The following IGSF10 variants were observed in gnomAD, a reference collection of about 807,000 sequenced individuals.
IGSF10 encodes immunoglobulin superfamily member 10, also known as calvaria mechanical force protein 608.
Under a neutral mutation model 128.2 loss-of-function variants are expected in IGSF10, and 126 were observed. That is an observed-to-expected ratio of 0.98 (90% CI 0.85 to 1.14). The LOEUF is 1.14. Ranked by LOEUF, IGSF10 falls within the 50% of genes most tolerant of loss-of-function variation. The probability of loss-of-function intolerance (pLI) is 0.00; values close to 1 mark genes in which losing one functional copy is unlikely to be tolerated. For synonymous variants in IGSF10, 1,185 were observed against 1,146.2 expected (o/e 1.03, Z -0.68); for missense variants, 3,295 against 3,149.8 (o/e 1.05, Z -1.10).
chr3:151,469,103 G>A, the IGSF10 span, among the ~76,000 whole-genome samples: 23 of 152,236 alleles, frequency 1.5e-4, no homozygotes, highest in Non-Finnish European at 4.4e-5. Context: ...ATTTCATGGT[G>A]TATACTTACC....
At chr3:151,543,524 G>A in the IGSF10 span, among the ~76,000 whole-genome samples, 1 of 152,082 alleles carries the variant, frequency 6.6e-6, no homozygotes, top group Non-Finnish European at 1.5e-5. Context: ...GCCAAGCTGT[G>A]TCCTGCCTCC....
In IGSF10 at chr3:151,454,056, C is replaced by T. The variant is rs144771141; in HGVS notation, c.325-282G>A. On this transcript the variant is annotated intron_variant, in intron 4 of 7. Transcript: ENST00000282466. ...TTTTTGAGACAGCGTCTTGCTCTGT[C>T]GCCCAGGCTGGAGTGCAGTGTTGTG... 6.3e-3 allele frequency among the ~76,000 whole-genome samples: 933 copies of T among 147,210 alleles called. 10 individuals are homozygous for T. Among genetic ancestry groups the T allele is most frequent in the African/African-American group, 0.022 (865 of 39,874 alleles).
At chr3:151,504,164 GT>G in the IGSF10 span, among the ~76,000 whole-genome samples, 1 of 152,134 alleles carries the variant, frequency 6.6e-6, no homozygotes, top group African/African-American at 2.4e-5. Context: ...ATTACCACCT[GT>G]TTCAAAGTTA....
chr3:151,495,317 G>A, the IGSF10 span, among the ~76,000 whole-genome samples: 1 of 152,240 alleles, frequency 6.6e-6, no homozygotes, highest in East Asian at 1.9e-4. Flanking sequence ...ATACAACAGA[G>A]AAGGTCAGTT....
the IGSF10 span, among the ~76,000 whole-genome samples, chr3:151,525,066 C>A: frequency 8.9e-6 from 1 of 112,842 alleles, no homozygotes; most frequent in Non-Finnish European, 1.6e-5. Context: ...TGCTCTGTCA[C>A]CCCAGCTGAA....
chr3:151,544,168 C>T, the IGSF10 span, among the ~76,000 whole-genome samples: 1 of 152,344 alleles, frequency 6.6e-6, no homozygotes, highest in East Asian at 1.9e-4. Flanking sequence ...CTCAGCCTCC[C>T]AAAGTGCTGG....
upstream of IGSF10, among the ~76,000 whole-genome samples, chr3:151,462,146 T>C (rs539319815): frequency 1.3e-5 from 2 of 152,280 alleles, no homozygotes; most frequent in South Asian, 4.2e-4. Flanking sequence ...CCAATACTCA[T>C]AAACACTGAG....
chr3:151,600,909 G>C, the IGSF10 span, among the ~76,000 whole-genome samples: 1 of 151,550 alleles, frequency 6.6e-6, no homozygotes, highest in South Asian at 2.1e-4. Flanking sequence ...TCTTTGAATT[G>C]TCTGTTCATG....
the IGSF10 span, among the ~76,000 whole-genome samples, chr3:151,559,886 C>T: frequency 2.6e-5 from 4 of 152,080 alleles, no homozygotes; most frequent in African/African-American, 9.7e-5. Context: ...TGAAGACAGC[C>T]TGGTATCTGT....
chr3:151,568,504 TATA>T, the IGSF10 span, among the ~76,000 whole-genome samples: 1 of 152,230 alleles, frequency 6.6e-6, no homozygotes, highest in South Asian at 2.1e-4. Context: ...CGATTTGATT[TATA>T]ATATCTCCCT....
At chr3:151,598,497 A>G in the IGSF10 span, among the ~76,000 whole-genome samples, 5 of 152,326 alleles carry the variant, frequency 3.3e-5, no homozygotes, top group Admixed American at 1.3e-4. Flanking sequence ...CTCTGAGGAT[A>G]CCAAAATCCA....
the IGSF10 span, among the ~76,000 whole-genome samples, chr3:151,579,998 T>C: frequency 6.6e-6 from 1 of 151,946 alleles, no homozygotes. Context: ...TAAAAAGACA[T>C]ACACATGGAG....
At chr3:151,535,015 G>T in the IGSF10 span, among the ~76,000 whole-genome samples, 1 of 151,232 alleles carries the variant, frequency 6.6e-6, no homozygotes, top group Non-Finnish European at 1.5e-5. Context: ...TGTGATCTTT[G>T]GCAATTAAAA....
At chr3:151,597,960 T>G in the IGSF10 span, among the ~76,000 whole-genome samples, 1 of 151,230 alleles carries the variant, frequency 6.6e-6, no homozygotes, top group African/African-American at 2.4e-5. Flanking sequence ...AACACAGAGT[T>G]GTTTAGTTTG....
Position 151,436,739 on chromosome 3 carries a change from T to C in IGSF10, c.7822A>G (p.Lys2608Glu). 6.2e-7 allele frequency: 1 copy of C among 1,614,160 alleles called. No individual in the cohort carries two copies. The highest frequency in any genetic ancestry group is 1.3e-5 in the African/African-American group (1 of 75,064). Residue 2608 changes from lysine to glutamate, a missense_variant, in exon 8 of 8, where the codon AAG becomes GAG. By Grantham distance (56) the Lys-to-Glu change is moderately conservative. Coordinates refer to ENST00000282466, the MANE Select transcript of IGSF10 (RefSeq NM_178822.5). Reference protein sequence around the residue: ...SDSGIYKCTAKNPLGSDYAAT... With the variant: ...SDSGIYKCTAENPLGSDYAAT... ...GCATAATCACTACCAAGTGGGTTCT[T>C]TGCTGTGCATTTGTATATCCCAGAA...
the IGSF10 span, among the ~76,000 whole-genome samples, chr3:151,501,449 T>C: frequency 8.9e-4 from 43 of 48,114 alleles, no homozygotes; most frequent in South Asian, 0.021. Context: ...GTATAAAGCT[T>C]GGTATGCGAA....
At chr3:151,534,921 T>TC in the IGSF10 span, among the ~76,000 whole-genome samples, 1 of 151,934 alleles carries the variant, frequency 6.6e-6, no homozygotes, top group African/African-American at 2.4e-5. Flanking sequence ...ATCCAACTGT[T>TC]CTGTCACAGT....
chr3:151,514,291 A>T, the IGSF10 span, among the ~76,000 whole-genome samples: 1 of 152,116 alleles, frequency 6.6e-6, no homozygotes, highest in Non-Finnish European at 1.5e-5. Flanking sequence ...AATGGAACAG[A>T]ACAGAGCCCT....
At chr3:151,574,374 C>T in the IGSF10 span, among the ~76,000 whole-genome samples, 3 of 152,334 alleles carry the variant, frequency 2.0e-5, no homozygotes, top group African/African-American at 7.2e-5. Context: ...TAGATTTGGT[C>T]TTTTCACATA....
Sources: allele counts gnomAD v4.1 joint callset (sites outside exome capture counted in the v4.1 genomes callset), GRCh38; gene constraint gnomAD v4.1.1; transcripts MANE v1.5; gene names NCBI Gene and HGNC (gene_info 2026-07-23, HGNC 2026-07-21).